RYR3: variants seen among roughly 807,000 people sequenced by gnomAD.
RYR3 encodes the protein brain ryanodine receptor-calcium release channel.
A neutral mutation model predicts 584.3 loss-of-function variants in RYR3; 207 were observed. The ratio of observed to expected loss-of-function variants is 0.35; its 90% CI spans 0.32 to 0.40. The LOEUF (loss-of-function observed/expected upper bound fraction) is 0.40, where lower values mean the gene tolerates loss of function less well. Ranked by LOEUF, RYR3 falls within the 10% of genes least tolerant of loss-of-function variation. The probability of loss-of-function intolerance (pLI) is 1.00; values close to 1 mark genes in which losing one functional copy is unlikely to be tolerated. For synonymous variants in RYR3, 2,416 were observed against 2,248.5 expected, an observed-to-expected ratio of 1.07 and a Z score of -2.11; for missense variants, 5,616 against 6,089.2, an observed-to-expected ratio of 0.92 and a Z score of 2.59.
chr15:33,455,501 G>C (rs1400197574), intron 1 of RYR3, among the ~76,000 whole-genome samples: 1 of 143,396 alleles, frequency 7.0e-6, no homozygotes, highest in South Asian at 2.2e-4. Context: ...AGAGGAGTAC[G>C]TGCCTTAAAG....
At chr15:33,480,981 T>C (rs1419260646) in intron 2 of RYR3, among the ~76,000 whole-genome samples, 1 of 152,210 alleles carries the variant, frequency 6.6e-6, no homozygotes, top group Admixed American at 6.5e-5. Flanking sequence ...CACTTTTGTT[T>C]CATGTATGTT....
chr15:33,660,496 G>T, intron 34 of RYR3, 73 bp downstream of exon 34: 1 of 1,004,152 alleles, frequency 1.0e-6, no homozygotes, highest in South Asian at 1.7e-5. Flanking sequence ...AGCCCAGAAG[G>T]AAACCAGGAG....
At position 33,748,193 on chromosome 15, in the gene RYR3, A is replaced by G. The variant is rs199544389; in HGVS notation, c.8069A>G (p.Lys2690Arg). The change falls in exon 54 of 104, where the codon AAA (lysine) becomes AGA (arginine). Residue 2690 changes from lysine (K) to arginine (R), a missense_variant. By Grantham distance (26) the Lys-to-Arg change is conservative (BLOSUM62 2). Coordinates refer to ENST00000634891, the MANE Select transcript of RYR3 (RefSeq NM_001036.6). ...GTGGGCTGGACTGTGGAGAGGACCA[A>G]AGAGGGAGAAGCTTTGGTTCAACAG... Reference protein sequence around the residue: ...LAVGWTVERTKEGEALVQQRE... With the variant: ...LAVGWTVERTREGEALVQQRE... 11 of 1,613,956 alleles carry G rather than the reference A, an allele frequency of 6.8e-6. No individual in the cohort carries two copies. In the African/African-American group the frequency reaches 1.5e-4, roughly 22 times the overall value.
intron 12 of RYR3, among the ~76,000 whole-genome samples, chr15:33,572,688 C>CACACACATATAT (rs368204203): frequency 7.6e-6 from 1 of 131,396 alleles, no homozygotes; most frequent in Non-Finnish European, 1.6e-5. Flanking sequence ...CACACACACA[C>CACACACATATAT]ACTGGGCTGG....
intron 28 of RYR3, among the ~76,000 whole-genome samples, chr15:33,644,908 A>G (rs997590231): frequency 6.6e-6 from 1 of 151,436 alleles, no homozygotes; most frequent in African/African-American, 2.4e-5. Context: ...GCTACTTGGG[A>G]GGCTGAGGTG....
At position 33,580,237 on chromosome 15, in the gene RYR3, G is replaced by T. The variant is rs8023510; in HGVS notation, c.1437+93G>T. On this transcript the variant is annotated intron_variant, in intron 13 of 103. Transcript: ENST00000634891. ...CTTAGCTTTGTCTTTCTGCATGCAC[G>T]TGTTTATGAGAGAGCCAGAGGACAA... 52 of 1,024,220 alleles carry T rather than the reference G, an allele frequency of 5.1e-5. No homozygotes were observed. The African/African-American group carries it at 7.6e-4, about 15-fold the overall frequency. The allele number at this position is 1,024,220 out of a possible 1,614,324, so 63.4% of individuals were successfully genotyped here.
At chr15:33,711,235 ATTTTTTTTTTTTTTTT>A (rs143373949) in intron 43 of RYR3, among the ~76,000 whole-genome samples, 1 of 75,790 alleles carries the variant, frequency 1.3e-5, no homozygotes, top group South Asian at 5.9e-4. Context: ...TCTTTCTTTC[ATTTTTTTTTTTTTTTT>A]TTTTTTTTTT....
intron 47 of RYR3, 111 bp from the exon 48 acceptor site, chr15:33,731,363 A>G: frequency 1.4e-6 from 1 of 705,514 alleles, no homozygotes; most frequent in East Asian, 2.7e-5. Flanking sequence ...CTTGCTATGC[A>G]ACGTGGACAT....
chr15:33,456,318 G>A (rs1429097017), intron 1 of RYR3, among the ~76,000 whole-genome samples: 1 of 152,192 alleles, frequency 6.6e-6, no homozygotes, highest in African/African-American at 2.4e-5. Flanking sequence ...AATGCCAAGA[G>A]GATTAACTAG....
intron 18 of RYR3, 51 bp downstream of exon 18, chr15:33,603,415 G>A: frequency 6.7e-7 from 1 of 1,495,916 alleles, no homozygotes; most frequent in Non-Finnish European, 8.9e-7. Context: ...AAATGATGGA[G>A]GCTCAAATTA....
At chr15:33,826,530 T>G in intron 83 of RYR3, 142 bp from the exon 84 acceptor site, 1 of 816,846 alleles carries the variant, frequency 1.2e-6, no homozygotes, top group East Asian at 2.5e-5. Flanking sequence ...TCAGTTTAAT[T>G]GGGCTTTTCA....
At chr15:33,479,486 CTTTT>C (rs376160496) in intron 2 of RYR3, among the ~76,000 whole-genome samples, 1 of 135,866 alleles carries the variant, frequency 7.4e-6, no homozygotes, top group South Asian at 2.4e-4. Context: ...GAGATTTTGA[CTTTT>C]TTTTTTTTTT....
chr15:33,348,190 G>T (rs977257627), intron 1 of RYR3, among the ~76,000 whole-genome samples: 15 of 152,094 alleles, frequency 9.9e-5, no homozygotes, highest in African/African-American at 3.6e-4. Context: ...CACACCATCT[G>T]CCCTGCATTT....
chr15:33,551,075 T>C (rs902003296), intron 10 of RYR3, among the ~76,000 whole-genome samples: 1 of 152,220 alleles, frequency 6.6e-6, no homozygotes, highest in Admixed American at 6.5e-5. Context: ...GCTTCTACTC[T>C]GTCTAACTCA....
At chr15:33,456,593 C>T (rs1442435584) in intron 1 of RYR3, among the ~76,000 whole-genome samples, 3 of 152,124 alleles carry the variant, frequency 2.0e-5, no homozygotes, top group East Asian at 3.9e-4. Flanking sequence ...ACACTGATTC[C>T]ACTTCCACAT....
At chr15:33,442,148 A>G (rs1444138971) in intron 1 of RYR3, among the ~76,000 whole-genome samples, 3 of 152,218 alleles carry the variant, frequency 2.0e-5, no homozygotes, top group African/African-American at 7.2e-5. Context: ...CAAATTCTCA[A>G]TTAGGTATTA....
In RYR3 at chr15:33,785,819, G is replaced by T. The variant is rs1209497399; in HGVS notation, c.9426G>T (p.Leu3142Phe). ...EVILPMLCNYLSYWWERGPEN... is the reference protein window; with the variant it reads ...EVILPMLCNYFSYWWERGPEN... ...TCTTACCCATGCTCTGCAACTACTT[G>T]TCCTACTGGTGGGAGCGGGGTCCTG... is the stretch of plus-strand genomic sequence containing the variant. The change falls in exon 66 of 104, where the codon TTG becomes TTT. Residue 3142 changes from leucine (L) to phenylalanine (F), a missense_variant. Physicochemically the swap from Leu to Phe is conservative, Grantham distance 22. Around this residue, in one of 9 missense-constraint regions of RYR3, gnomAD observed 954 missense variants for 1,132.2 expected, o/e 0.84. Transcript: ENST00000634891. 6.2e-7 allele frequency: 1 copy of T among 1,613,840 alleles called. No individual in the cohort carries two copies. Among genetic ancestry groups the T allele is most frequent in the African/African-American group, 1.3e-5 (1 of 74,912 alleles).
intron 77 of RYR3, among the ~76,000 whole-genome samples, chr15:33,820,485 A>T (rs2077048894): frequency 6.6e-6 from 1 of 152,226 alleles, no homozygotes; most frequent in South Asian, 2.1e-4. Flanking sequence ...GAAGAGTTCA[A>T]GTCTGTGGTT....
intron 1 of RYR3, among the ~76,000 whole-genome samples, chr15:33,451,993 G>C (rs2047168414): frequency 6.6e-6 from 1 of 152,220 alleles, no homozygotes; most frequent in African/African-American, 2.4e-5. Flanking sequence ...TAATCAAACT[G>C]TCTAAGGCAC....
Sources: allele counts gnomAD v4.1 joint callset (sites outside exome capture counted in the v4.1 genomes callset), GRCh38; gene constraint gnomAD v4.1.1; regional missense constraint gnomAD v4.1.1; transcripts MANE v1.5; gene names NCBI Gene and HGNC (gene_info 2026-07-23, HGNC 2026-07-21).